GPHN: variants seen among roughly 807,000 people sequenced by gnomAD.
GPHN encodes the protein gephyrin.
GPHN carries 17 observed loss-of-function variants against 95.5 expected under a neutral mutation model. The ratio of observed to expected loss-of-function variants is 0.18; its 90% CI spans 0.12 to 0.27. The LOEUF is 0.27. Ranked by LOEUF, GPHN falls within the 10% of genes least tolerant of loss-of-function variation. The pLI is 1.00. For synonymous variants in GPHN, 320 were observed against 322.5 expected (o/e 0.99, Z 0.08); for missense variants, 660 against 978.1 (o/e 0.67, Z 4.34).
At chr14:67,730,229 A>C in the GPHN span, among the ~76,000 whole-genome samples, 1 of 152,184 alleles carries the variant, frequency 6.6e-6, no homozygotes, top group Non-Finnish European at 1.5e-5. Flanking sequence ...AAAGTCATAT[A>C]GCTTATAAGT....
chr14:66,933,714 A>G (rs1028913195), intron 8 of GPHN, among the ~76,000 whole-genome samples: 3 of 152,214 alleles, frequency 2.0e-5, no homozygotes, highest in South Asian at 2.1e-4. Flanking sequence ...AGGAGATGAC[A>G]TATATGAGGA....
chr14:66,625,276 A>G (rs886809857), intron 1 of GPHN, among the ~76,000 whole-genome samples: 3 of 152,014 alleles, frequency 2.0e-5, no homozygotes, highest in African/African-American at 7.2e-5. Flanking sequence ...GGGTCTCACT[A>G]TGTTGCCAAG....
chr14:67,388,829 G>A, the GPHN span, among the ~76,000 whole-genome samples: 2 of 151,934 alleles, frequency 1.3e-5, no homozygotes, highest in Non-Finnish European at 2.9e-5. Flanking sequence ...ACAAGCACAC[G>A]CCACCACACC....
the GPHN span, among the ~76,000 whole-genome samples, chr14:67,242,202 C>T: frequency 6.6e-6 from 1 of 152,178 alleles, no homozygotes; most frequent in Non-Finnish European, 1.5e-5. Flanking sequence ...TCATAACTCA[C>T]CTTCTGTTGA....
intron 3 of GPHN, among the ~76,000 whole-genome samples, chr14:66,812,473 C>A (rs1315294729): frequency 3.3e-5 from 5 of 152,096 alleles, no homozygotes; most frequent in Non-Finnish European, 7.4e-5. Context: ...GATGACCCAC[C>A]TATTGTAATT....
intron 1 of GPHN, among the ~76,000 whole-genome samples, chr14:66,561,731 A>G (rs35003608): frequency 6.6e-5 from 10 of 152,294 alleles, no homozygotes; most frequent in Non-Finnish European, 1.2e-4. Context: ...TTAGTTTTCT[A>G]TTGTTATACA....
At chr14:67,564,692 CTTT>C in the GPHN span, among the ~76,000 whole-genome samples, 1 of 136,748 alleles carries the variant, frequency 7.3e-6, no homozygotes. Context: ...TTTTCTTTTC[CTTT>C]TTTTTTTTTG....
chr14:67,586,432 A>G, the GPHN span: 535,347 of 1,313,240 alleles, frequency 0.41, 110,208 homozygotes, highest in South Asian at 0.44. Flanking sequence ...AGCAGTCCTC[A>G]AGGCAGGGCA....
chr14:66,750,055 C>T (rs1190650822), intron 2 of GPHN, among the ~76,000 whole-genome samples: 1 of 151,814 alleles, frequency 6.6e-6, no homozygotes, highest in African/African-American at 2.4e-5. Context: ...TGACTATAGT[C>T]ACCCAGTTTT....
intron 1 of GPHN, among the ~76,000 whole-genome samples, chr14:66,528,284 A>C (rs1231982687): frequency 6.6e-6 from 1 of 152,036 alleles, no homozygotes; most frequent in Non-Finnish European, 1.5e-5. Context: ...TAGGATTGCC[A>C]CTTCTGCTTT....
chr14:67,339,945 C>T, the GPHN span: 3 of 137,172 alleles, frequency 2.2e-5, no homozygotes, highest in Non-Finnish European at 3.0e-5. Context: ...ACTAAAAGTA[C>T]AAAAAAATTA....
the GPHN span, chr14:67,374,607 A>G: frequency 2.6e-6 from 3 of 1,167,762 alleles, no homozygotes; most frequent in Non-Finnish European, 3.7e-6. Context: ...ATAATTTGAA[A>G]TCTTAATTTC....
chr14:67,027,308 T>C (rs2073977555), intron 10 of GPHN, among the ~76,000 whole-genome samples: 2 of 152,178 alleles, frequency 1.3e-5, no homozygotes, highest in South Asian at 4.2e-4. Flanking sequence ...ATTTCAGCAC[T>C]GTAGGACAGC....
chr14:67,080,527 T>G (rs1414248580), intron 11 of GPHN, among the ~76,000 whole-genome samples: 5 of 152,180 alleles, frequency 3.3e-5, no homozygotes, highest in Admixed American at 6.5e-5. Context: ...TCTTCTAGTT[T>G]TATAGTTTTA....
intron 1 of GPHN, among the ~76,000 whole-genome samples, chr14:66,524,190 G>A (rs1205406907): frequency 1.3e-5 from 2 of 152,094 alleles, no homozygotes; most frequent in Non-Finnish European, 2.9e-5. Context: ...AGTTAAAAAG[G>A]TGTTTTTAAA....
At chr14:67,442,004 A>C in the GPHN span, 1 of 153,996 alleles carries the variant, frequency 6.5e-6, no homozygotes, top group Admixed American at 6.5e-5. Context: ...CTCTACTTTT[A>C]GGGGACCACG....
At chr14:67,668,773 T>C in the GPHN span, among the ~76,000 whole-genome samples, 1 of 152,212 alleles carries the variant, frequency 6.6e-6, no homozygotes, top group African/African-American at 2.4e-5. Context: ...AACTTTCTGA[T>C]TCAATAGGTC....
chr14:66,620,483 T>G (rs2063244633), intron 1 of GPHN, among the ~76,000 whole-genome samples: 1 of 152,092 alleles, frequency 6.6e-6, no homozygotes, highest in African/African-American at 2.4e-5. Flanking sequence ...AAAACTCCCA[T>G]TTTTAAAACC....
intron 3 of GPHN, among the ~76,000 whole-genome samples, chr14:66,805,289 C>A (rs893919690): frequency 6.6e-6 from 1 of 152,186 alleles, no homozygotes; most frequent in African/African-American, 2.4e-5. Flanking sequence ...CCCCATGATT[C>A]AGTTACTTCC....
Sources: gnomAD v4.1 joint callset for allele counts (sites outside exome capture counted in the v4.1 genomes callset) on GRCh38, gnomAD v4.1.1 for gene constraint, MANE v1.5 for transcripts, NCBI Gene and HGNC (gene_info 2026-07-23, HGNC 2026-07-21) for gene names.